The following TTC28 variants were observed in gnomAD, a reference collection of about 807,000 sequenced individuals.
TTC28 encodes the protein tetratricopeptide repeat domain 28.
In TTC28, 61 loss-of-function variants were observed where a neutral mutation model predicts 198.0. The ratio of observed to expected loss-of-function variants is 0.31; its 90% CI spans 0.25 to 0.38. TTC28 has a LOEUF of 0.38. Ranked by LOEUF, TTC28 falls within the 10% of genes least tolerant of loss-of-function variation. The pLI is 1.00. For missense variants in TTC28, 2,678 were observed against 3,164.0 expected, an observed-to-expected ratio of 0.85 and a Z score of 3.69; for synonymous variants, 1,171 against 1,297.8, an observed-to-expected ratio of 0.90 and a Z score of 2.10.
At chr22:28,584,020 T>TG (rs771450448) in intron 2 of TTC28, among the ~76,000 whole-genome samples, 7,758 of 141,968 alleles carry the variant, frequency 0.055, 263 homozygotes, top group African/African-American at 0.1. Flanking sequence ...TGTTTTGTTT[T>TG]TTTTTTTTTT....
At chr22:28,553,059 G>T (rs574726921) in intron 2 of TTC28, among the ~76,000 whole-genome samples, 2 of 152,328 alleles carry the variant, frequency 1.3e-5, no homozygotes, top group East Asian at 3.9e-4. Flanking sequence ...GAGGTGCCGG[G>T]ATTGCAGACG....
intron 2 of TTC28, among the ~76,000 whole-genome samples, chr22:28,465,283 G>T (rs774736148): frequency 3.9e-5 from 6 of 152,114 alleles, no homozygotes; most frequent in Non-Finnish European, 8.8e-5. Context: ...TAAAAAATCT[G>T]AATTCCAGAA....
chr22:28,508,865 C>A (rs1388665403), intron 2 of TTC28, among the ~76,000 whole-genome samples: 1 of 152,052 alleles, frequency 6.6e-6, no homozygotes, highest in Non-Finnish European at 1.5e-5. Flanking sequence ...GAACTCAGTT[C>A]TGGATCAAGT....
chr22:28,099,121 TG>T (rs1942063199), intron 9 of TTC28, 77 bp from the exon 10 acceptor site: 9 of 1,518,312 alleles, frequency 5.9e-6, no homozygotes, highest in Non-Finnish European at 8.0e-6. Context: ...AGACAACTTT[TG>T]CTCATATCTT....
At chr22:28,208,534 G>C (rs902984538) in intron 5 of TTC28, among the ~76,000 whole-genome samples, 3 of 151,968 alleles carry the variant, frequency 2.0e-5, no homozygotes, top group Admixed American at 2.0e-4. Flanking sequence ...CAAAGATCTG[G>C]GAATCTAGGA....
chr22:28,146,730 G>A (rs2147002655), intron 6 of TTC28, among the ~76,000 whole-genome samples: 1 of 152,224 alleles, frequency 6.6e-6, no homozygotes, highest in Non-Finnish European at 1.5e-5. Flanking sequence ...TTTGAATCAG[G>A]GAAACAATTA....
chr22:28,530,498 C>T (rs1288872410), intron 2 of TTC28, among the ~76,000 whole-genome samples: 1 of 152,124 alleles, frequency 6.6e-6, no homozygotes, highest in Non-Finnish European at 1.5e-5. Flanking sequence ...GGATATTATC[C>T]AGGAGAACTT....
At chr22:28,170,162 T>C (rs1922512088) in intron 5 of TTC28, among the ~76,000 whole-genome samples, 1 of 152,136 alleles carries the variant, frequency 6.6e-6, no homozygotes, top group East Asian at 1.9e-4. Context: ...TTAATACCTA[T>C]TAACCTCTGT....
chr22:28,390,494 C>G (rs1275465577), intron 2 of TTC28, among the ~76,000 whole-genome samples: 1 of 152,104 alleles, frequency 6.6e-6, no homozygotes, highest in African/African-American at 2.4e-5. Context: ...CTTTGTAGGT[C>G]GCTCAGGACT....
intron 6 of TTC28, among the ~76,000 whole-genome samples, chr22:28,144,787 T>C (rs745328777): frequency 3.9e-5 from 6 of 152,148 alleles, no homozygotes; most frequent in Non-Finnish European, 5.9e-5. Flanking sequence ...ACAACCTTAA[T>C]GGGGAGACAG....
intron 2 of TTC28, among the ~76,000 whole-genome samples, chr22:28,455,762 G>A (rs965361912): frequency 2.6e-5 from 4 of 151,178 alleles, no homozygotes; most frequent in Non-Finnish European, 4.4e-5. Flanking sequence ...CCCTTCATTG[G>A]GTTGATGAAT....
At chr22:28,152,738 T>C (rs1943639463) in intron 6 of TTC28, among the ~76,000 whole-genome samples, 1 of 152,244 alleles carries the variant, frequency 6.6e-6, no homozygotes, top group African/African-American at 2.4e-5. Flanking sequence ...CTGGTTAGTG[T>C]ACTGACTACC....
intron 12 of TTC28, among the ~76,000 whole-genome samples, chr22:28,066,959 G>A (rs922202594): frequency 4.6e-5 from 7 of 152,152 alleles, no homozygotes; most frequent in African/African-American, 7.2e-5. Context: ...CACTTCCCGC[G>A]TAGATCAAGC....
chr22:28,346,669 T>C (rs550884814), intron 2 of TTC28, among the ~76,000 whole-genome samples: 1 of 152,272 alleles, frequency 6.6e-6, no homozygotes, highest in Admixed American at 6.5e-5. Context: ...CTATCCTTGG[T>C]GTACATTTAA....
At chr22:28,262,605 T>C (rs1455341708) in intron 5 of TTC28, among the ~76,000 whole-genome samples, 1 of 152,122 alleles carries the variant, frequency 6.6e-6, no homozygotes, top group Non-Finnish European at 1.5e-5. Context: ...TACAATCAAC[T>C]ATGAGATTTC....
At chr22:28,559,140 G>A (rs955582867) in intron 2 of TTC28, among the ~76,000 whole-genome samples, 9 of 152,022 alleles carry the variant, frequency 5.9e-5, no homozygotes, top group African/African-American at 2.2e-4. Context: ...GCTTGAAAAT[G>A]GTTCACATGA....
chr22:28,612,053 C>T (rs1050961829), intron 2 of TTC28, among the ~76,000 whole-genome samples: 4 of 152,000 alleles, frequency 2.6e-5, no homozygotes, highest in Admixed American at 2.0e-4. Context: ...AGAGTCAAGA[C>T]CCATTGGTGT....
At chr22:28,284,796 A>G (rs2044649371) in intron 5 of TTC28, among the ~76,000 whole-genome samples, 2 of 152,226 alleles carry the variant, frequency 1.3e-5, no homozygotes, top group South Asian at 4.1e-4. Context: ...ACAATAAGAT[A>G]TCACCTCATA....
At chr22:28,054,586 G>A (rs1046242579) in intron 12 of TTC28, among the ~76,000 whole-genome samples, 2 of 151,974 alleles carry the variant, frequency 1.3e-5, no homozygotes, top group Admixed American at 1.3e-4. Context: ...TCATCCACCC[G>A]CCATCTTGTC....
Sources: gnomAD v4.1 joint callset for allele counts (sites outside exome capture counted in the v4.1 genomes callset) on GRCh38, gnomAD v4.1.1 for gene constraint, MANE v1.5 for transcripts, NCBI Gene and HGNC (gene_info 2026-07-23, HGNC 2026-07-21) for gene names.